Variants in ERBB4 observed in about 807,000 individuals in gnomAD.
ERBB4 encodes the protein erb-b2 receptor tyrosine kinase 4.
Under a neutral mutation model 158.0 loss-of-function variants are expected in ERBB4, and 42 were observed. That is an observed-to-expected ratio of 0.27 (90% CI 0.21 to 0.34). The LOEUF is 0.34. ERBB4 is among the 10% of genes least tolerant of loss of function. ERBB4 has a pLI of 1.00. For missense variants in ERBB4, 1,333 were observed against 1,624.1 expected (o/e 0.82, Z 3.08); for synonymous variants, 583 against 558.7 (o/e 1.04, Z -0.61).
At chr2:211,790,252 A>G (rs1373102875) in intron 3 of ERBB4, among the ~76,000 whole-genome samples, 2 of 152,092 alleles carry the variant, frequency 1.3e-5, no homozygotes, top group African/African-American at 4.8e-5. Context: ...TGACAAAGAA[A>G]GGAGATTTTG....
At chr2:212,038,002 T>C (rs2077054325) in intron 2 of ERBB4, among the ~76,000 whole-genome samples, 1 of 152,188 alleles carries the variant, frequency 6.6e-6, no homozygotes, top group Non-Finnish European at 1.5e-5. Context: ...AAAGTATTGT[T>C]CTTTAATCAT....
At chr2:212,388,196 T>C (rs1659502907) in intron 1 of ERBB4, among the ~76,000 whole-genome samples, 2 of 152,098 alleles carry the variant, frequency 1.3e-5, no homozygotes, top group African/African-American at 2.4e-5. Context: ...AGAGAATTTA[T>C]TAAAATAGGA....
intron 5 of ERBB4, among the ~76,000 whole-genome samples, chr2:211,730,184 A>C (rs2074384992): frequency 6.6e-6 from 1 of 151,996 alleles, no homozygotes; most frequent in African/African-American, 2.4e-5. Context: ...ATATAATGAT[A>C]ACCAATACTG....
rs187347016 is a variant in ERBB4 at position 212,537,424 on chromosome 2, T to C, written c.82+1025A>G. Reference sequence around the variant, plus strand: ...TAGTGTCAGAAACTTTGAGCTCCATTGCACTGCAGGTGCTGTCATTAGTCC... The same window carrying C: ...TAGTGTCAGAAACTTTGAGCTCCATCGCACTGCAGGTGCTGTCATTAGTCC... On this transcript the variant is annotated intron_variant, in intron 1 of 27. Transcript: ENST00000342788. Among the ~76,000 whole-genome samples the C allele has an allele frequency of 7.9e-5, 12 of 152,156 alleles. No individual in the cohort carries two copies. In the East Asian group the frequency reaches 2.3e-3, roughly 30 times the overall value.
intron 3 of ERBB4, among the ~76,000 whole-genome samples, chr2:211,886,811 C>A (rs2078813630): frequency 6.6e-6 from 1 of 152,208 alleles, no homozygotes; most frequent in African/African-American, 2.4e-5. Context: ...ATGGGCTCAA[C>A]ATGCTGCCAG....
chr2:211,822,766 G>T (rs16846873), intron 3 of ERBB4, among the ~76,000 whole-genome samples: 3 of 151,764 alleles, frequency 2.0e-5, no homozygotes, highest in African/African-American at 7.3e-5. Flanking sequence ...GTGGTAAATC[G>T]AATCATTAGC....
intron 1 of ERBB4, among the ~76,000 whole-genome samples, chr2:212,355,102 G>A (rs1342371954): frequency 6.6e-6 from 1 of 151,984 alleles, no homozygotes; most frequent in African/African-American, 2.4e-5. Context: ...TGACCAGTCA[G>A]TATTTAAATA....
At position 211,547,758 on chromosome 2, in the gene ERBB4, T is replaced by C. The variant is rs145768738; in HGVS notation, c.2487+14145A>G. ...TGGATTGGGGTAGCTTTCACTTTTC[T>C]GTTAAAAAAAAAAAGTACCGTAAAA... is the stretch of plus-strand genomic sequence containing the variant. On this transcript the variant is annotated intron_variant, in intron 20 of 27. Transcript: ENST00000342788. Among the ~76,000 whole-genome samples, 33 of 151,646 alleles carry C rather than the reference T, an allele frequency of 2.2e-4. No homozygotes were observed. The East Asian group carries it at 6.0e-3, about 28-fold the overall frequency.
chr2:211,876,484 T>C (rs966196900), intron 3 of ERBB4, among the ~76,000 whole-genome samples: 4 of 152,180 alleles, frequency 2.6e-5, no homozygotes, highest in African/African-American at 9.7e-5. Flanking sequence ...TTATTCTTTT[T>C]AGTTAATATT....
chr2:212,272,447 G>T (rs74325701), intron 1 of ERBB4, among the ~76,000 whole-genome samples: 6,470 of 151,802 alleles, frequency 0.043, 205 homozygotes, highest in South Asian at 0.14. Flanking sequence ...TTGTGAAAAG[G>T]AATAATGTGG....
intron 20 of ERBB4, among the ~76,000 whole-genome samples, chr2:211,527,436 C>T (rs1015968518): frequency 6.6e-6 from 1 of 152,056 alleles, no homozygotes; most frequent in African/African-American, 2.4e-5. Flanking sequence ...ACCTGTCCTA[C>T]AAGAAATGGT....
intron 3 of ERBB4, among the ~76,000 whole-genome samples, chr2:211,932,740 C>A: frequency 6.6e-6 from 1 of 151,756 alleles, no homozygotes; most frequent in East Asian, 1.9e-4. Flanking sequence ...TCAAAGATGT[C>A]TTTGGCATTG....
At chr2:211,471,697 G>A (rs1305155511) in intron 20 of ERBB4, among the ~76,000 whole-genome samples, 1 of 152,104 alleles carries the variant, frequency 6.6e-6, no homozygotes, top group African/African-American at 2.4e-5. Flanking sequence ...TCCAAAATGA[G>A]AAGGTGGTTG....
intron 19 of ERBB4, among the ~76,000 whole-genome samples, chr2:211,596,387 A>T (rs1056960462): frequency 8.5e-5 from 13 of 152,232 alleles, no homozygotes; most frequent in Non-Finnish European, 1.6e-4. Flanking sequence ...AATAAGACGA[A>T]TATATTCTGG....
At chr2:211,806,120 A>G (rs2076607908) in intron 3 of ERBB4, among the ~76,000 whole-genome samples, 1 of 152,144 alleles carries the variant, frequency 6.6e-6, no homozygotes, top group Admixed American at 6.5e-5. Context: ...TTATGCAGAA[A>G]AAGATTTTAA....
At chr2:212,218,505 A>C (rs1334287468) in intron 1 of ERBB4, among the ~76,000 whole-genome samples, 3 of 151,370 alleles carry the variant, frequency 2.0e-5, no homozygotes, top group Non-Finnish European at 4.4e-5. Flanking sequence ...GGGCAAAGCC[A>C]GGCCATGTTC....
At chr2:212,323,978 T>C (rs1255109248) in intron 1 of ERBB4, among the ~76,000 whole-genome samples, 1 of 150,500 alleles carries the variant, frequency 6.6e-6, no homozygotes, top group African/African-American at 2.4e-5. Context: ...TCTGCCTTCA[T>C]CACTAAATCC....
intron 1 of ERBB4, among the ~76,000 whole-genome samples, chr2:212,463,718 T>A (rs1688690077): frequency 1.3e-5 from 2 of 152,126 alleles, no homozygotes; most frequent in Non-Finnish European, 2.9e-5. Context: ...AGGCACAAAC[T>A]AATTATTTTG....
chr2:212,114,545 G>A (rs1236213873), intron 2 of ERBB4, among the ~76,000 whole-genome samples: 2 of 152,126 alleles, frequency 1.3e-5, no homozygotes, highest in African/African-American at 4.8e-5. Context: ...GTTTTAAGAA[G>A]GAAAGTAATA....
Sources: gnomAD v4.1 joint callset for allele counts (sites outside exome capture counted in the v4.1 genomes callset) on GRCh38, gnomAD v4.1.1 for gene constraint, MANE v1.5 for transcripts, NCBI Gene and HGNC (gene_info 2026-07-23, HGNC 2026-07-21) for gene names.